Variants in KLF12 observed in about 807,000 individuals in gnomAD.
The protein encoded by KLF12 is Krueppel-like factor 12.
A neutral mutation model predicts 37.8 loss-of-function variants in KLF12; 9 were observed. The ratio of observed to expected loss-of-function variants is 0.24; its 90% confidence interval spans 0.14 to 0.42. The LOEUF is 0.42. Among genes scored for constraint, KLF12 ranks in the 10% least tolerant of loss-of-function variants. The pLI is 1.00. For synonymous variants in KLF12, 208 were observed against 202.1 expected (o/e 1.03, Z -0.25); for missense variants, 411 against 516.0 (o/e 0.80, Z 1.97).
At chr13:74,221,006 GT>G in the KLF12 span, among the ~76,000 whole-genome samples, 100 of 137,700 alleles carry the variant, frequency 7.3e-4, no homozygotes, top group East Asian at 1.0e-3. Flanking sequence ...TTGCTTGTTT[GT>G]TTTTTTTTTT....
intron 6 of KLF12, among the ~76,000 whole-genome samples, chr13:73,725,335 C>T (rs200227768): frequency 3.3e-5 from 5 of 152,122 alleles, no homozygotes; most frequent in East Asian, 1.9e-4. Flanking sequence ...CTCTTGACCT[C>T]GTGATCTGCC....
chr13:74,163,313 T>G, the KLF12 span, among the ~76,000 whole-genome samples: 1 of 152,174 alleles, frequency 6.6e-6, no homozygotes, highest in Non-Finnish European at 1.5e-5. Flanking sequence ...TTACAATAGC[T>G]AAGATATGGA....
chr13:73,781,826 G>A (rs906839117), intron 5 of KLF12, among the ~76,000 whole-genome samples: 1 of 151,760 alleles, frequency 6.6e-6, no homozygotes, highest in Non-Finnish European at 1.5e-5. Context: ...CAGTAAAATA[G>A]AAATGCCACA....
chr13:74,184,947 T>G, the KLF12 span, among the ~76,000 whole-genome samples: 1 of 152,216 alleles, frequency 6.6e-6, no homozygotes, highest in South Asian at 2.1e-4. Flanking sequence ...ACTATTGAAG[T>G]ACAAGGTTGG....
chr13:73,709,394 T>C (rs1424802042), intron 7 of KLF12, among the ~76,000 whole-genome samples: 1 of 152,150 alleles, frequency 6.6e-6, no homozygotes, highest in Non-Finnish European at 1.5e-5. Flanking sequence ...TCCAAATTAA[T>C]TGTTGGTCAC....
the KLF12 span, among the ~76,000 whole-genome samples, chr13:74,169,429 G>T: frequency 3.3e-5 from 5 of 152,172 alleles, no homozygotes; most frequent in Non-Finnish European, 7.4e-5. Context: ...CAATTGCAGA[G>T]CTAGAATTAA....
intron 5 of KLF12, among the ~76,000 whole-genome samples, chr13:73,810,514 C>T (rs1198485561): frequency 6.6e-6 from 1 of 151,864 alleles, no homozygotes; most frequent in Non-Finnish European, 1.5e-5. Flanking sequence ...TTGATCCACC[C>T]ACCTCAGCCT....
chr13:73,874,553 G>C (rs1239836010), intron 3 of KLF12, among the ~76,000 whole-genome samples: 2 of 152,086 alleles, frequency 1.3e-5, no homozygotes, highest in Non-Finnish European at 2.9e-5. Context: ...ATTCTAAATT[G>C]GAATCAATCC....
At chr13:74,147,160 A>G in the KLF12 span, among the ~76,000 whole-genome samples, 2 of 152,166 alleles carry the variant, frequency 1.3e-5, no homozygotes, top group Admixed American at 1.3e-4. Context: ...CCAGTTCTTT[A>G]TCTAGAGACT....
chr13:73,696,211 T>C (rs957073558), intron 7 of KLF12, among the ~76,000 whole-genome samples: 16 of 152,172 alleles, frequency 1.1e-4, no homozygotes, highest in African/African-American at 3.6e-4. Flanking sequence ...TAAGTACATA[T>C]TGTTCATAGA....
chr13:73,809,216 A>T (rs1440828061), intron 5 of KLF12, among the ~76,000 whole-genome samples: 1 of 152,146 alleles, frequency 6.6e-6, no homozygotes, highest in Non-Finnish European at 1.5e-5. Flanking sequence ...GGTCCTTTGA[A>T]ATGTTTTCAT....
At chr13:73,868,787 C>T (rs1035105920) in intron 3 of KLF12, among the ~76,000 whole-genome samples, 5 of 152,150 alleles carry the variant, frequency 3.3e-5, no homozygotes, top group Non-Finnish European at 5.9e-5. Context: ...AGAATTGTTT[C>T]AAACACTTAT....
chr13:73,826,139 A>AT lies in KLF12; in HGVS notation c.671-12853dup, dbSNP rs543535286. ...AGGCGCCCGCCACCACGCCTGGCTA[A>AT]TTTTTTTGTATCTTTAGTAGAGACG... On this transcript the variant is annotated intron_variant, in intron 4 of 7. Transcript: ENST00000377669. Among the ~76,000 whole-genome samples, 8 of 151,528 alleles carry AT rather than the reference A, an allele frequency of 5.3e-5. No individual in the cohort carries two copies. The South Asian group carries it at 1.5e-3, about 28-fold the overall frequency.
intron 3 of KLF12, among the ~76,000 whole-genome samples, chr13:73,858,870 T>C (rs986233756): frequency 6.6e-6 from 1 of 152,238 alleles, no homozygotes; most frequent in Non-Finnish European, 1.5e-5. Flanking sequence ...AATCAGTGTC[T>C]TCAGAATGCA....
chr13:74,193,821 C>G, the KLF12 span, among the ~76,000 whole-genome samples: 1 of 152,204 alleles, frequency 6.6e-6, no homozygotes, highest in African/African-American at 2.4e-5. Flanking sequence ...TCTTCTGGCA[C>G]TTTCTGTTAG....
At chr13:74,094,603 C>CTTT (rs112013862) in intron 1 of KLF12, among the ~76,000 whole-genome samples, 2 of 142,878 alleles carry the variant, frequency 1.4e-5, no homozygotes, top group Non-Finnish European at 1.5e-5. Context: ...TCTATCTTTT[C>CTTT]TTTTTTTTTT....
intron 1 of KLF12, among the ~76,000 whole-genome samples, chr13:74,012,264 C>T (rs8001012): frequency 0.87 from 131,875 of 152,144 alleles, 57,407 homozygotes; most frequent in Non-Finnish European, 0.91. Flanking sequence ...CCCAAAAGTG[C>T]TGGATGTGTC....
chr13:74,256,322 A>T, the KLF12 span, among the ~76,000 whole-genome samples: 1 of 152,024 alleles, frequency 6.6e-6, no homozygotes, highest in Admixed American at 6.5e-5. Flanking sequence ...GAAAATAAAG[A>T]CAACTGAATT....
upstream of KLF12, among the ~76,000 whole-genome samples, chr13:74,134,186 A>AGG (rs546775182): frequency 6.3e-4 from 66 of 104,166 alleles, no homozygotes; most frequent in South Asian, 9.5e-3. Flanking sequence ...GGGTGCTGTG[A>AGG]GGGGGGGGGC....
Sources: allele counts gnomAD v4.1 joint callset (sites outside exome capture counted in the v4.1 genomes callset), GRCh38; gene constraint gnomAD v4.1.1; transcripts MANE v1.5; gene names NCBI Gene and HGNC (gene_info 2026-07-23, HGNC 2026-07-21).